Variants in PPP4R2 observed in about 807,000 individuals in gnomAD.
PPP4R2 encodes the protein serine/threonine-protein phosphatase 4 regulatory subunit 2.
Under a neutral mutation model 47.2 loss-of-function variants are expected in PPP4R2, and 13 were observed. The observed-to-expected ratio is 0.28, with a 90% CI of 0.18 to 0.44. PPP4R2 has a LOEUF of 0.44. PPP4R2 is among the 20% of genes least tolerant of loss of function. PPP4R2 has a pLI of 1.00. For missense variants in PPP4R2, 421 were observed against 491.2 expected (o/e 0.86, Z 1.35); for synonymous variants, 151 against 163.3 (o/e 0.92, Z 0.57).
intron 3 of PPP4R2, among the ~76,000 whole-genome samples, chr3:73,051,549 T>A (rs1702613403): frequency 6.6e-6 from 1 of 152,220 alleles, no homozygotes; most frequent in Non-Finnish European, 1.5e-5. Context: ...TTATATTAAA[T>A]GCTTCCTAGT....
chr3:73,041,867 C>T (rs1702386482), intron 2 of PPP4R2, among the ~76,000 whole-genome samples: 1 of 152,148 alleles, frequency 6.6e-6, no homozygotes. Context: ...ATACCTTTAG[C>T]CTTTAGAGAA....
At chr3:73,015,022 A>G in intron 2 of PPP4R2, 1 of 662,478 alleles carries the variant, frequency 1.5e-6, no homozygotes. Flanking sequence ...TTTTCCTCGA[A>G]ATATACTCCT....
At position 73,014,377 on chromosome 3, in the gene PPP4R2, C is replaced by T. The variant is rs1241904727; in HGVS notation, c.116+16219C>T. Among the ~76,000 whole-genome samples the T allele has an allele frequency of 1.3e-5, 2 of 151,166 alleles. 1 individual carries two copies. Among genetic ancestry groups the T allele is most frequent in the Non-Finnish European group, 3.0e-5 (2 of 67,716 alleles). ...CATAGCTTACTGCAACCTCAAACTC[C>T]TAGGCTCAAGTGATTTTCCCACCTG... On this transcript the variant is annotated intron_variant, in intron 2 of 8. Transcript: ENST00000356692.
At chr3:73,005,418 T>C (rs1230151121) in intron 2 of PPP4R2, among the ~76,000 whole-genome samples, 1 of 152,014 alleles carries the variant, frequency 6.6e-6, no homozygotes, top group Non-Finnish European at 1.5e-5. Context: ...TAAAAAATAT[T>C]AAATATTTCA....
intron 5 of PPP4R2, chr3:73,062,609 C>T: frequency 1.2e-6 from 2 of 1,613,936 alleles, no homozygotes; most frequent in Non-Finnish European, 1.7e-6. Flanking sequence ...ACTTTATTGC[C>T]CTTGAGAAGT....
chr3:73,028,135 T>C (rs2107269192), intron 2 of PPP4R2, among the ~76,000 whole-genome samples: 1 of 151,618 alleles, frequency 6.6e-6, no homozygotes, highest in African/African-American at 2.4e-5. Flanking sequence ...CACACGCCTG[T>C]CATCCTAGCT....
intron 2 of PPP4R2, among the ~76,000 whole-genome samples, chr3:73,007,285 CT>C (rs1451753538): frequency 5.3e-5 from 8 of 152,022 alleles, no homozygotes; most frequent in Non-Finnish European, 8.8e-5. Context: ...TTTTTTCCCC[CT>C]CTACAGTTTG....
chr3:73,036,694 T>C (rs754558363), intron 2 of PPP4R2, among the ~76,000 whole-genome samples: 17 of 152,194 alleles, frequency 1.1e-4, no homozygotes, highest in Non-Finnish European at 2.4e-4. Flanking sequence ...TTTTTTCTTC[T>C]TTTTTTGAAA....
chr3:73,005,737 C>T (rs779650478), intron 2 of PPP4R2, among the ~76,000 whole-genome samples: 7 of 150,932 alleles, frequency 4.6e-5, no homozygotes, highest in Non-Finnish European at 1.0e-4. Context: ...CCCAGCTACT[C>T]GGGAGAATCA....
intron 3 of PPP4R2, among the ~76,000 whole-genome samples, chr3:73,055,541 C>T (rs1317103608): frequency 6.6e-6 from 1 of 151,448 alleles, no homozygotes; most frequent in African/African-American, 2.4e-5. Flanking sequence ...ATGTTGTAGG[C>T]ACTGTTTTAA....
At chr3:73,059,169 G>T (rs1702791359) in intron 4 of PPP4R2, 39 bp downstream of exon 4, 3 of 994,552 alleles carry the variant, frequency 3.0e-6, no homozygotes, top group Non-Finnish European at 4.5e-6. Context: ...ATGCTGTGGT[G>T]TAATAGCTTT....
chr3:73,022,858 T>C (rs1192463379), intron 2 of PPP4R2, among the ~76,000 whole-genome samples: 1 of 144,242 alleles, frequency 6.9e-6, no homozygotes, highest in Non-Finnish European at 1.5e-5. Context: ...TTGGAAGCCT[T>C]AGGATATTGG....
rs984694180 is a variant in PPP4R2, at chr3:73,015,262, C to G, written c.116+17104C>G. On this transcript the variant is annotated intron_variant, in intron 2 of 8. Coordinates refer to ENST00000356692, the MANE Select transcript of PPP4R2 (RefSeq NM_174907.4). ...TGACTTGATCTCAGCTCACTGCCACCTCTGCCTCCCTGGTTCAAGCAGTTC... is the reference window on the plus strand; with the variant it reads ...TGACTTGATCTCAGCTCACTGCCACGTCTGCCTCCCTGGTTCAAGCAGTTC... Among the ~76,000 whole-genome samples, 3 of 152,134 alleles carry G rather than the reference C, an allele frequency of 2.0e-5. No homozygotes were observed. In the South Asian group the frequency reaches 6.2e-4, roughly 31 times the overall value.
intron 2 of PPP4R2, chr3:73,015,863 C>T (rs1020663372): frequency 1.7e-5 from 7 of 408,672 alleles, no homozygotes; most frequent in Admixed American, 7.8e-5. Flanking sequence ...CGGTCTCGAT[C>T]TCCTGACCTC....
chr3:73,005,134 G>A (rs1186031482), intron 2 of PPP4R2, among the ~76,000 whole-genome samples: 1 of 151,986 alleles, frequency 6.6e-6, no homozygotes, highest in Non-Finnish European at 1.5e-5. Flanking sequence ...GTAGAGACGG[G>A]GTTTCACCAT....
intron 2 of PPP4R2, among the ~76,000 whole-genome samples, chr3:73,030,433 T>C (rs965546252): frequency 3.3e-5 from 5 of 152,054 alleles, no homozygotes; most frequent in Admixed American, 6.6e-5. Flanking sequence ...GAAAACTCAA[T>C]GTAGGGTTGA....
chr3:73,043,576 A>T (rs1259316284), intron 2 of PPP4R2, among the ~76,000 whole-genome samples: 1 of 152,206 alleles, frequency 6.6e-6, no homozygotes, highest in East Asian at 1.9e-4. Flanking sequence ...TGACATTACC[A>T]GTTTCCCCAC....
chr3:73,058,985 C>T (rs1168367168), intron 3 of PPP4R2, 52 bp from the exon 4 acceptor site: 9 of 1,090,616 alleles, frequency 8.3e-6, no homozygotes, highest in Admixed American at 4.2e-5. Flanking sequence ...TAATGTTCCT[C>T]GTTTTCTTGA....
At chr3:73,020,657 G>A (rs573188301) in intron 2 of PPP4R2, among the ~76,000 whole-genome samples, 15 of 131,852 alleles carry the variant, frequency 1.1e-4, no homozygotes, top group South Asian at 2.6e-4. Flanking sequence ...GCCACAGAGT[G>A]AGACCCTGTC....
Sources: gnomAD v4.1 joint callset for allele counts (sites outside exome capture counted in the v4.1 genomes callset) on GRCh38, gnomAD v4.1.1 for gene constraint, MANE v1.5 for transcripts, NCBI Gene and HGNC (gene_info 2026-07-23, HGNC 2026-07-21) for gene names.